The following R3HDM2 variants were observed in gnomAD, a reference collection of about 807,000 sequenced individuals.
R3HDM2 encodes the protein R3H domain-containing protein 2.
A neutral mutation model predicts 124.5 loss-of-function variants in R3HDM2; 38 were observed. The observed-to-expected ratio is 0.31, with a 90% CI of 0.24 to 0.40. The LOEUF is 0.40. Ranked by LOEUF, R3HDM2 falls within the 10% of genes least tolerant of loss-of-function variation. The pLI is 1.00. For synonymous variants in R3HDM2, 391 were observed against 448.0 expected (o/e 0.87, Z 1.61); for missense variants, 869 against 1,236.9 (o/e 0.70, Z 4.46).
At chr12:57,365,733 C>G (rs1032314436) in intron 2 of R3HDM2, among the ~76,000 whole-genome samples, 1 of 152,008 alleles carries the variant, frequency 6.6e-6, no homozygotes, top group Non-Finnish European at 1.5e-5. Flanking sequence ...GTCAGGGGCT[C>G]GAGACCAGCC....
intron 3 of R3HDM2, among the ~76,000 whole-genome samples, 159 bp from the exon 4 acceptor site, chr12:57,303,376 A>G (rs1038209890): frequency 7.2e-5 from 11 of 152,202 alleles, no homozygotes; most frequent in Admixed American, 1.3e-4. Flanking sequence ...CCTACAACCT[A>G]CAACTCTAAC....
At chr12:57,392,667 C>T (rs2066878912) in intron 2 of R3HDM2, among the ~76,000 whole-genome samples, 1 of 152,114 alleles carries the variant, frequency 6.6e-6, no homozygotes, top group African/African-American at 2.4e-5. Flanking sequence ...GATCTCGGCT[C>T]ACCACAACCT....
chr12:57,258,514 T>G (rs2039779351), intron 20 of R3HDM2, among the ~76,000 whole-genome samples: 1 of 151,930 alleles, frequency 6.6e-6, no homozygotes, highest in Non-Finnish European at 1.5e-5. Context: ...CTGGCTAATT[T>G]TTTTATTTTC....
At chr12:57,396,473 A>T (rs1716495140) in intron 1 of R3HDM2, among the ~76,000 whole-genome samples, 1 of 149,250 alleles carries the variant, frequency 6.7e-6, no homozygotes, top group South Asian at 2.1e-4. Flanking sequence ...AATAAAAAAT[A>T]AAAAAATAAA....
At chr12:57,307,314 GTTGTTGTT>G (rs1484643761) in intron 3 of R3HDM2, among the ~76,000 whole-genome samples, 1 of 144,334 alleles carries the variant, frequency 6.9e-6, no homozygotes, top group Non-Finnish European at 1.6e-5. Context: ...GGGTTTTTTT[GTTGTTGTT>G]TTGTTTTGTT....
chr12:57,265,057 T>C (rs1336599997), intron 19 of R3HDM2, among the ~76,000 whole-genome samples: 1 of 152,210 alleles, frequency 6.6e-6, no homozygotes, highest in East Asian at 1.9e-4. Flanking sequence ...AAAGGCTGCA[T>C]GGCATAAACT....
chr12:57,259,144 T>C (rs186459022), intron 19 of R3HDM2, 85 bp from the exon 20 acceptor site: 4 of 1,422,776 alleles, frequency 2.8e-6, no homozygotes, highest in East Asian at 2.4e-5. Flanking sequence ...AAGCAGCAAA[T>C]AAATCCACCC....
intron 2 of R3HDM2, among the ~76,000 whole-genome samples, chr12:57,388,590 T>C (rs1263804268): frequency 6.6e-6 from 1 of 152,116 alleles, no homozygotes. Context: ...CTAACTTGCA[T>C]TTTTCTATCA....
intron 2 of R3HDM2, among the ~76,000 whole-genome samples, chr12:57,317,239 G>A (rs941614258): frequency 4.0e-5 from 6 of 149,874 alleles, no homozygotes; most frequent in African/African-American, 1.5e-4. Flanking sequence ...GTCTCAGTCT[G>A]TCACCTAGGC....
At chr12:57,317,187 T>C in intron 2 of R3HDM2, among the ~76,000 whole-genome samples, 1 of 115,598 alleles carries the variant, frequency 8.7e-6, no homozygotes, top group South Asian at 3.2e-4. Context: ...AGGCTTTTTG[T>C]GTTTTTTTTT....
At chr12:57,277,620 G>A (rs2045154905) in intron 14 of R3HDM2, among the ~76,000 whole-genome samples, 6 of 152,084 alleles carry the variant, frequency 3.9e-5, no homozygotes, top group Admixed American at 3.9e-4. Context: ...GCTAATTTCT[G>A]TATTTTTAGT....
At chr12:57,379,644 C>A (rs1421524101) in intron 2 of R3HDM2, among the ~76,000 whole-genome samples, 2 of 151,802 alleles carry the variant, frequency 1.3e-5, no homozygotes, top group Non-Finnish European at 2.9e-5. Flanking sequence ...TTTTCTGTTT[C>A]TTCACTGCTA....
At chr12:57,421,435 C>T (rs984913933) in intron 1 of R3HDM2, among the ~76,000 whole-genome samples, 6 of 147,558 alleles carry the variant, frequency 4.1e-5, no homozygotes, top group Non-Finnish European at 5.9e-5. Flanking sequence ...CAGGCGTAAG[C>T]GACCACACCC....
chr12:57,398,266 C>G (rs1343698868), intron 1 of R3HDM2, among the ~76,000 whole-genome samples: 1 of 151,856 alleles, frequency 6.6e-6, no homozygotes, highest in African/African-American at 2.4e-5. Flanking sequence ...TCTGTACCTG[C>G]AATTCTAAAC....
chr12:57,310,810 C>A (rs908396193), intron 2 of R3HDM2, among the ~76,000 whole-genome samples: 6 of 152,152 alleles, frequency 3.9e-5, no homozygotes, highest in Non-Finnish European at 7.4e-5. Flanking sequence ...TAACCCCAGC[C>A]AACTACTGAT....
intron 2 of R3HDM2, among the ~76,000 whole-genome samples, chr12:57,362,246 C>G (rs2062046788): frequency 6.6e-6 from 1 of 152,176 alleles, no homozygotes; most frequent in Non-Finnish European, 1.5e-5. Context: ...GACAGCAAGA[C>G]CAACCCCTCT....
intron 2 of R3HDM2, among the ~76,000 whole-genome samples, chr12:57,317,928 C>T (rs2139335740): frequency 1.4e-5 from 2 of 147,382 alleles, no homozygotes; most frequent in South Asian, 2.1e-4. Flanking sequence ...TGCAGTGAGC[C>T]AAGACTGCAC....
At chr12:57,419,353 C>T (rs1786855429) in intron 1 of R3HDM2, among the ~76,000 whole-genome samples, 1 of 151,832 alleles carries the variant, frequency 6.6e-6, no homozygotes, top group Admixed American at 6.6e-5. Flanking sequence ...TCAGGTTGGC[C>T]AGGCTGGTCT....
chr12:57,412,738 G>A (rs1365975505), intron 1 of R3HDM2, among the ~76,000 whole-genome samples: 2 of 152,146 alleles, frequency 1.3e-5, no homozygotes, highest in Admixed American at 6.5e-5. Flanking sequence ...AGGCGCAGTG[G>A]CTCACATCTG....
Sources: allele counts gnomAD v4.1 joint callset (sites outside exome capture counted in the v4.1 genomes callset), GRCh38; gene constraint gnomAD v4.1.1; transcripts MANE v1.5; gene names NCBI Gene and HGNC (gene_info 2026-07-23, HGNC 2026-07-21).